The following DSCAM variants were observed in gnomAD, a reference collection of about 807,000 sequenced individuals.
DSCAM encodes the protein DS cell adhesion molecule.
Under a neutral mutation model 217.7 loss-of-function variants are expected in DSCAM, and 47 were observed. That is an observed-to-expected ratio of 0.22 (90% CI 0.17 to 0.28). The LOEUF (loss-of-function observed/expected upper bound fraction) is 0.28. Among genes scored for constraint, DSCAM ranks in the 10% least tolerant of loss-of-function variants. The probability of loss-of-function intolerance (pLI) is 1.00; values close to 1 mark genes in which losing one functional copy is unlikely to be tolerated. For missense variants in DSCAM, 2,080 were observed against 2,618.3 expected, an observed-to-expected ratio of 0.79 and a Z score of 4.49; for synonymous variants, 1,056 against 1,015.3, an observed-to-expected ratio of 1.04 and a Z score of -0.76.
At chr21:40,202,633 G>T (rs572309315) in intron 11 of DSCAM, among the ~76,000 whole-genome samples, 2 of 152,326 alleles carry the variant, frequency 1.3e-5, no homozygotes, top group East Asian at 3.9e-4. Flanking sequence ...TCTACCTGAA[G>T]ATTCTTGTCC....
At chr21:40,396,260 CAAG>C (rs2075177343) in intron 3 of DSCAM, among the ~76,000 whole-genome samples, 1 of 152,160 alleles carries the variant, frequency 6.6e-6, no homozygotes, top group African/African-American at 2.4e-5. Flanking sequence ...TGCAATTGCA[CAAG>C]AAAACTTCAC....
At chr21:40,138,539 GGTTT>G (rs1164289561) in intron 18 of DSCAM, among the ~76,000 whole-genome samples, 1 of 147,160 alleles carries the variant, frequency 6.8e-6, no homozygotes, top group African/African-American at 2.5e-5. Context: ...GTGTATGTGG[GGTTT>G]GTGTATGTGT....
At chr21:40,072,563 T>C (rs557633151) in intron 27 of DSCAM, among the ~76,000 whole-genome samples, 4 of 152,036 alleles carry the variant, frequency 2.6e-5, no homozygotes, top group African/African-American at 9.7e-5. Flanking sequence ...TTAGCCAGGA[T>C]GGTCTCGATC....
intron 3 of DSCAM, among the ~76,000 whole-genome samples, chr21:40,484,506 A>T (rs1162578364): frequency 6.6e-6 from 1 of 152,216 alleles, no homozygotes; most frequent in Non-Finnish European, 1.5e-5. Flanking sequence ...GCAACATCTT[A>T]GCAATTCCCT....
In DSCAM at chr21:40,637,108, C is replaced by CATAT. The variant is rs202011231; in HGVS notation, c.508+55698_508+55701dup. Among the ~76,000 whole-genome samples, 24 of 37,372 alleles carry CATAT rather than the reference C, an allele frequency of 6.4e-4. 1 individual carries two copies. In the South Asian group the frequency reaches 0.02, roughly 31 times the overall value. The allele number at this position is 37,372 out of a possible 152,430, so 24.5% of individuals were successfully genotyped here. On this transcript the variant is annotated intron_variant, in intron 3 of 32. Transcript: ENST00000400454. ...AAAATAGAAGGAGGCCCTTCTCATT[C>CATAT]ATATATATATATATATATATAAATA...
chr21:40,347,581 T>C (rs2074572473), intron 6 of DSCAM, 89 bp downstream of exon 6: 2 of 1,553,796 alleles, frequency 1.3e-6, no homozygotes, highest in African/African-American at 2.7e-5. Flanking sequence ...AACTGAGCGA[T>C]CAGCACTGCT....
chr21:40,257,388 T>C (rs529638474), intron 11 of DSCAM, among the ~76,000 whole-genome samples: 5 of 152,174 alleles, frequency 3.3e-5, no homozygotes, highest in Middle Eastern at 3.4e-3. Context: ...TGTTTTTTTT[T>C]CCCTGAATAT....
At position 40,642,059 on chromosome 21, in the gene DSCAM, AC is replaced by A. The variant is rs66523250; in HGVS notation, c.508+50750del. 6.5e-4 allele frequency among the ~76,000 whole-genome samples: 51 copies of A among 78,094 alleles called. 2 individuals are homozygous for A. Among genetic ancestry groups the A allele is most frequent in the African/African-American group, 7.3e-4 (14 of 19,198 alleles). The allele number at this position is 78,094 out of a possible 152,430, so 51.2% of individuals were successfully genotyped here. The stretch of plus-strand genomic sequence containing the variant: ...CTCTGTCTCAAAAAAAAAAAAAAAA[AC>A]AAAGATTATATTCATGTATTCCTGT... On this transcript the variant is annotated intron_variant, in intron 3 of 32. Coordinates refer to ENST00000400454, the MANE Select transcript of DSCAM (RefSeq NM_001389.5).
At chr21:40,668,883 G>A (rs1287506343) in intron 3 of DSCAM, among the ~76,000 whole-genome samples, 1 of 151,520 alleles carries the variant, frequency 6.6e-6, no homozygotes, top group Non-Finnish European at 1.5e-5. Flanking sequence ...TAGTGATTGG[G>A]AAAAAAACAA....
At chr21:40,654,776 G>A (rs771750297) in intron 3 of DSCAM, among the ~76,000 whole-genome samples, 1 of 152,068 alleles carries the variant, frequency 6.6e-6, no homozygotes, top group Non-Finnish European at 1.5e-5. Flanking sequence ...GAACAACACC[G>A]GGCCCATCCA....
In DSCAM at chr21:40,292,134, C is replaced by G. The variant is rs565136556; in HGVS notation, c.2182+3921G>C. Among the ~76,000 whole-genome samples the G allele has an allele frequency of 3.4e-5, 5 of 148,602 alleles. No homozygotes were observed. The South Asian group carries it at 1.1e-3, about 32-fold the overall frequency. ...TAAATAAATAAATCAAAAAAGAGAA[C>G]TGAATGTCTCAGACTTTGTGTATCT... On this transcript the variant is annotated intron_variant, in intron 10 of 32. Transcript: ENST00000400454.
chr21:40,388,146 C>G (rs199718106), intron 3 of DSCAM, among the ~76,000 whole-genome samples: 1 of 151,796 alleles, frequency 6.6e-6, no homozygotes, highest in Admixed American at 6.6e-5. Context: ...TAAGAACCGA[C>G]AGTTTGCCAA....
chr21:40,309,681 G>T (rs1046659283), intron 9 of DSCAM, among the ~76,000 whole-genome samples: 1 of 152,090 alleles, frequency 6.6e-6, no homozygotes, highest in Non-Finnish European at 1.5e-5. Flanking sequence ...TTCCACTAAA[G>T]GTTCTTCTTT....
chr21:40,704,804 G>A (rs2090695058), intron 2 of DSCAM, among the ~76,000 whole-genome samples: 1 of 152,204 alleles, frequency 6.6e-6, no homozygotes, highest in South Asian at 2.1e-4. Context: ...AGTCATCTAT[G>A]ATGACTGCAA....
intron 32 of DSCAM, among the ~76,000 whole-genome samples, chr21:40,026,459 G>A (rs1228647064): frequency 1.4e-5 from 2 of 140,304 alleles, no homozygotes; most frequent in East Asian, 2.0e-4. Context: ...TCTGTCTAAT[G>A]TTGACAGTGG....
At chr21:40,497,483 G>A (rs1272703304) in intron 3 of DSCAM, among the ~76,000 whole-genome samples, 2 of 152,040 alleles carry the variant, frequency 1.3e-5, no homozygotes, top group South Asian at 2.1e-4. Context: ...GTGGGGAGTT[G>A]GGGAGATGTT....
At chr21:40,773,112 G>A (rs756472481) in intron 1 of DSCAM, among the ~76,000 whole-genome samples, 1 of 152,222 alleles carries the variant, frequency 6.6e-6, no homozygotes, top group African/African-American at 2.4e-5. Flanking sequence ...CCTGACTTAC[G>A]CAGCTCCCCA....
intron 1 of DSCAM, among the ~76,000 whole-genome samples, chr21:40,725,980 G>A (rs776835719): frequency 6.6e-6 from 1 of 152,214 alleles, no homozygotes; most frequent in Non-Finnish European, 1.5e-5. Context: ...AAGAACATAC[G>A]ATATCCAGAA....
chr21:40,502,390 G>A (rs955566882), intron 3 of DSCAM, among the ~76,000 whole-genome samples: 2 of 151,844 alleles, frequency 1.3e-5, no homozygotes, highest in Non-Finnish European at 2.9e-5. Context: ...GTAACAAATC[G>A]CCACAAACTT....
Sources: gnomAD v4.1 joint callset for allele counts (sites outside exome capture counted in the v4.1 genomes callset) on GRCh38, gnomAD v4.1.1 for gene constraint, MANE v1.5 for transcripts, NCBI Gene and HGNC (gene_info 2026-07-23, HGNC 2026-07-21) for gene names.